Variants in ATOH8 observed in about 807,000 individuals in gnomAD.
The protein encoded by ATOH8 is transcription factor ATOH8.
ATOH8 carries 9 observed loss-of-function variants against 21.2 expected under a neutral mutation model. That is an observed-to-expected ratio of 0.42 (90% CI 0.26 to 0.74). The LOEUF (loss-of-function observed/expected upper bound fraction) is 0.74. Ranked by LOEUF, ATOH8 falls within the 30% of genes least tolerant of loss-of-function variation. ATOH8 has a pLI of 0.24. For synonymous variants in ATOH8, 253 were observed against 224.0 expected (o/e 1.13, Z -1.16); for missense variants, 524 against 470.9 (o/e 1.11, Z -1.04).
chr2:85,774,737 G>GC lies in ATOH8; in HGVS notation c.960+10561dup, dbSNP rs1167898671. The stretch of plus-strand genomic sequence containing the variant: ...CCAGACTCAATAGAACACCTGATAG[G>GC]CCCCCCAAGTGACCTGGCCCTGGCC... On this transcript the variant is annotated intron_variant, in intron 2 of 2. Coordinates refer to ENST00000306279, the MANE Select transcript of ATOH8 (RefSeq NM_032827.7). The GC allele has an allele frequency of 7.1e-6, 7 of 985,354 alleles. No individual in the cohort carries two copies. The South Asian group carries it at 1.4e-4, about 20-fold the overall frequency. 61.0% of individuals were successfully genotyped at this position (985,354 alleles called of 1,614,324 possible).
Position 85,754,831 on chromosome 2 carries a change from G to C in ATOH8, c.642G>C (p.Pro214=). The C allele has an allele frequency of 1.9e-6, 3 of 1,612,652 alleles. No homozygotes were observed. The highest frequency in any genetic ancestry group is 1.1e-5 in the South Asian group (1 of 91,084). The change falls in exon 1 of 3, where the codon CCG becomes CCC. Residue 214 remains proline (P), a synonymous_variant. Coordinates refer to ENST00000306279, the MANE Select transcript of ATOH8 (RefSeq NM_032827.7). ...QDSSASPRKR[P]GEATAASSEI... is the part of the protein sequence containing the mutation. ...CCTCCGCGTCGCCTAGGAAACGACC[G>C]GGCGAAGCGACTGCCGCCTCCTCCG...
At chr2:85,774,644 T>G (rs1680276635) in intron 2 of ATOH8, 1 of 985,508 alleles carries the variant, frequency 1.0e-6, no homozygotes, top group African/African-American at 1.7e-5. Context: ...CTGGTCAGAC[T>G]GCCTCACTCC....
intron 2 of ATOH8, among the ~76,000 whole-genome samples, chr2:85,776,077 A>G (rs537639448): frequency 5.3e-5 from 8 of 152,324 alleles, no homozygotes; most frequent in South Asian, 4.1e-4. Flanking sequence ...TCTCACACCC[A>G]TGATTTTCTT....
rs184176842 is a variant in ATOH8, at chr2:85,768,417, A to C, written c.960+4235A>C. ...AGGACTGCTGACAGGCCTGTCAGGC[A>C]GGGTTGCAGAAGCCTGGGAGCAAAA... On this transcript the variant is annotated intron_variant, in intron 2 of 2. Transcript: ENST00000306279. Among the ~76,000 whole-genome samples the C allele has an allele frequency of 7.9e-5, 12 of 152,246 alleles. No individual in the cohort carries two copies. In the East Asian group the frequency reaches 1.7e-3, roughly 22 times the overall value.
intron 2 of ATOH8, 76 bp downstream of exon 2, chr2:85,764,258 C>A: frequency 1.3e-6 from 2 of 1,567,012 alleles, no homozygotes; most frequent in Non-Finnish European, 1.7e-6. Context: ...GGGTGCCCTG[C>A]CTATGCCCAG....
chr2:85,760,572 G>C (rs1271463372), intron 1 of ATOH8, among the ~76,000 whole-genome samples: 1 of 152,218 alleles, frequency 6.6e-6, no homozygotes. Context: ...CTCACCAGTT[G>C]GGAGATCCAG....
rs78933243 is a variant in ATOH8, at chr2:85,760,620, T to C, written c.769-3371T>C. The C allele has an allele frequency of 3.3e-5, 5 of 152,340 alleles. No individual in the cohort carries two copies. In the East Asian group the frequency reaches 9.6e-4, roughly 29 times the overall value. 9.4% of individuals were successfully genotyped at this position (152,340 alleles called of 1,614,324 possible). On this transcript the variant is annotated intron_variant, in intron 1 of 2. Transcript: ENST00000306279. ...TGCCTGAGAATCACATGCTTTTCTG[T>C]AAAGTGGAAGTGACCATTTCTACCT...
rs865961581 is a variant in ATOH8 at position 85,766,778 on chromosome 2, C to T, written c.960+2596C>T. 2.0e-5 allele frequency among the ~76,000 whole-genome samples: 3 copies of T among 152,142 alleles called. No homozygotes were observed. Among genetic ancestry groups the T allele is most frequent in the South Asian group, 2.1e-4 (1 of 4,824 alleles). On this transcript the variant is annotated intron_variant, in intron 2 of 2. Transcript: ENST00000306279. This position sits in a 1 kb window ranked among gnomAD's most constrained non-coding sequence, Gnocchi z 4.0. ...CCGCTTCTGGGCACCTATGCTTTTGCGGTCATAATTGCTAGCTGTCACCCT... is the reference window on the plus strand; with the variant it reads ...CCGCTTCTGGGCACCTATGCTTTTGTGGTCATAATTGCTAGCTGTCACCCT...
chr2:85,784,983 T>C (rs1680587594), intron 2 of ATOH8, among the ~76,000 whole-genome samples: 1 of 152,176 alleles, frequency 6.6e-6, no homozygotes, highest in Non-Finnish European at 1.5e-5. Context: ...GGTCGAGAAT[T>C]GAAGGTCAGG....
intron 1 of ATOH8, 51 bp from the exon 2 acceptor site, chr2:85,763,940 C>T: frequency 6.3e-7 from 1 of 1,575,160 alleles, no homozygotes; most frequent in African/African-American, 1.4e-5. Context: ...CCATGCCTGC[C>T]AGGCTGGGCA....
At position 85,754,070 on chromosome 2, in the gene ATOH8, G is replaced by A. The variant is rs937830565; in HGVS notation, c.-120G>A. On this transcript the variant is annotated 5_prime_UTR_variant, in exon 1 of 3. Coordinates refer to ENST00000306279, the MANE Select transcript of ATOH8 (RefSeq NM_032827.7). Reference sequence around the variant, plus strand: ...GCGGCGCAGCTGCCCGGGGCGAGGGGGAGAAAGGGAGAGAGGGAGGGGGAG... The same window carrying A: ...GCGGCGCAGCTGCCCGGGGCGAGGGAGAGAAAGGGAGAGAGGGAGGGGGAG... 2 of 1,233,592 alleles carry A rather than the reference G, an allele frequency of 1.6e-6. No homozygotes were observed. Among genetic ancestry groups the A allele is most frequent in the South Asian group, 1.8e-5 (1 of 54,098 alleles). 76.4% of individuals were successfully genotyped at this position (1,233,592 alleles called of 1,614,324 possible). A position where few individuals can be genotyped will look rare whatever the true frequency, so the allele number is the denominator to read the frequency against.
At chr2:85,784,623 A>G (rs1265909986) in intron 2 of ATOH8, among the ~76,000 whole-genome samples, 2 of 152,188 alleles carry the variant, frequency 1.3e-5, no homozygotes, top group African/African-American at 4.8e-5. Flanking sequence ...AGCCTTTGAC[A>G]TGCTAATACA....
At chr2:85,783,244 A>C (rs1250657148) in intron 2 of ATOH8, among the ~76,000 whole-genome samples, 1 of 152,174 alleles carries the variant, frequency 6.6e-6, no homozygotes, top group Non-Finnish European at 1.5e-5. Flanking sequence ...GTCATTCTCA[A>C]GGTTAATCTT....
At position 85,791,250 on chromosome 2, in the gene ATOH8, G is replaced by A. The variant is rs984340621; in HGVS notation, c.*4360G>A. 6.6e-6 allele frequency among the ~76,000 whole-genome samples: 1 copy of A among 152,160 alleles called. No individual in the cohort carries two copies. Among genetic ancestry groups the A allele is most frequent in the South Asian group, 2.1e-4 (1 of 4,824 alleles). On this transcript the variant is annotated 3_prime_UTR_variant, in exon 3 of 3. Transcript: ENST00000306279. ...TGTGGGTACGTGTCTAATCTCAGAT[G>A]GTACTATGAATTCCTGGAGATCAAA...
At chr2:85,755,018 C>T in intron 1 of ATOH8, 61 bp downstream of exon 1, 1 of 1,502,820 alleles carries the variant, frequency 6.7e-7, no homozygotes, top group South Asian at 1.3e-5. Flanking sequence ...AATGGGTGGG[C>T]GAGTGGCCGG....
At chr2:85,786,334 TCTG>T (rs2104540028) in intron 2 of ATOH8, among the ~76,000 whole-genome samples, 1 of 152,374 alleles carries the variant, frequency 6.6e-6, no homozygotes. Context: ...CTTTCATCGA[TCTG>T]CTCCAGCCAC....
chr2:85,788,888 C>T lies in ATOH8; in HGVS notation c.*1998C>T, dbSNP rs1158051275. Among the ~76,000 whole-genome samples, 3 of 152,168 alleles carry T rather than the reference C, an allele frequency of 2.0e-5. No homozygotes were observed. Among genetic ancestry groups the T allele is most frequent in the Non-Finnish European group, 4.4e-5 (3 of 68,014 alleles). ...AACAGGGGACCCAGGTGGCCCTGAG[C>T]ACTCCTCAGAGCAAAGGTGCTCTGG... On this transcript the variant is annotated 3_prime_UTR_variant, in exon 3 of 3. Transcript: ENST00000306279.
At chr2:85,769,952 G>A (rs1021318185) in intron 2 of ATOH8, among the ~76,000 whole-genome samples, 1 of 152,154 alleles carries the variant, frequency 6.6e-6, no homozygotes, top group Admixed American at 6.5e-5. Flanking sequence ...GATTTCTAAG[G>A]CCCTTGCCAA....
At chr2:85,774,150 G>A in intron 2 of ATOH8, 1 of 985,500 alleles carries the variant, frequency 1.0e-6, no homozygotes, top group South Asian at 4.7e-5. Flanking sequence ...TGCCCAAGAA[G>A]TTGGTCTTCG....
Sources: allele counts gnomAD v4.1 joint callset (sites outside exome capture counted in the v4.1 genomes callset), GRCh38; gene constraint gnomAD v4.1.1; non-coding constraint Gnocchi (gnomAD v3.1); transcripts MANE v1.5; gene names NCBI Gene and HGNC (gene_info 2026-07-23, HGNC 2026-07-21).